Variants in RPP25 observed in about 807,000 individuals in gnomAD.
RPP25 encodes ribonuclease P/MRP subunit p25.
In RPP25, 2 loss-of-function variants were observed where a neutral mutation model predicts 4.4. That is an observed-to-expected ratio of 0.45 (90% CI 0.19 to 1.43). RPP25 has a LOEUF of 1.43. RPP25 is among the 40% of genes most tolerant of loss of function. The pLI is 0.26. For synonymous variants in RPP25, 144 were observed against 136.2 expected (o/e 1.06, Z -0.40); for missense variants, 319 against 293.8 (o/e 1.09, Z -0.63).
Position 74,954,530 on chromosome 15 carries a change from C to T in RPP25, c.*1454G>A, listed in dbSNP as rs1792085863. On this transcript the variant is annotated 3_prime_UTR_variant, in exon 1 of 1. Transcript: ENST00000322177. Reference sequence around the variant, plus strand: ...GCTGCTGAGTTGCATGGGATGAGATCTGCTTCTGAGATCCTGGGGCTGTAT... The same window carrying T: ...GCTGCTGAGTTGCATGGGATGAGATTTGCTTCTGAGATCCTGGGGCTGTAT... The T allele has an allele frequency of 6.6e-6, 1 of 152,212 alleles. No individual in the cohort carries two copies. Among genetic ancestry groups the T allele is most frequent in the Non-Finnish European group, 1.5e-5 (1 of 68,058 alleles). 9.4% of individuals were successfully genotyped at this position (152,212 alleles called of 1,614,324 possible).
In RPP25 at chr15:74,956,624, G is replaced by A. The variant is rs1365225527; in HGVS notation, c.-41C>T. 1 of 1,412,930 alleles carries A rather than the reference G, an allele frequency of 7.1e-7. No individual in the cohort carries two copies. The highest frequency in any genetic ancestry group is 9.1e-7 in the Non-Finnish European group (1 of 1,094,090). 87.5% of individuals were successfully genotyped at this position (1,412,930 alleles called of 1,614,324 possible). A position where few individuals can be genotyped will look rare whatever the true frequency, so the allele number is the denominator to read the frequency against. On this transcript the variant is annotated 5_prime_UTR_variant, in exon 1 of 1. Transcript: ENST00000322177. ...GGACCGCCGGCTTTGCCATGGGGCG[G>A]CCTCAGCCCCGGGGCTGCATGGCCG...
At position 74,955,741 on chromosome 15, in the gene RPP25, T is replaced by C; in HGVS notation, c.*243A>G. ...CCCAGAAAAGGTGAAGTTCCGTGTCTTCACGCAACACGGGCATAAGCAGCA... is the reference window on the plus strand; with the variant it reads ...CCCAGAAAAGGTGAAGTTCCGTGTCCTCACGCAACACGGGCATAAGCAGCA... On this transcript the variant is annotated 3_prime_UTR_variant, in exon 1 of 1. Coordinates refer to ENST00000322177, the MANE Select transcript of RPP25 (RefSeq NM_017793.3). 1.8e-6 allele frequency: 1 copy of C among 562,202 alleles called. No individual in the cohort carries two copies. The allele number at this position is 562,202 out of a possible 1,614,324, so 34.8% of individuals were successfully genotyped here. A position where few individuals can be genotyped will look rare whatever the true frequency, so the allele number is the denominator to read the frequency against.
Position 74,955,866 on chromosome 15 carries a change from G to T in RPP25, c.*118C>A. ...TAAGGTCCATGCTACCTGTCTTGAG[G>T]AGCTGTGTCCAGGTTGTGGGCTCCG... is the stretch of plus-strand genomic sequence containing the variant. On this transcript the variant is annotated 3_prime_UTR_variant, in exon 1 of 1. Transcript: ENST00000322177. 1 of 1,383,274 alleles carries T rather than the reference G, an allele frequency of 7.2e-7. No homozygotes were observed. The highest frequency in any genetic ancestry group is 2.5e-5 in the East Asian group (1 of 40,420). The allele number at this position is 1,383,274 out of a possible 1,614,324, so 85.7% of individuals were successfully genotyped here.
In RPP25 at chr15:74,954,888, C is replaced by T. The variant is rs1440959405; in HGVS notation, c.*1096G>A. The T allele has an allele frequency of 6.6e-6, 1 of 152,354 alleles. No homozygotes were observed. The highest frequency in any genetic ancestry group is 2.1e-4 in the South Asian group (1 of 4,838). The allele number at this position is 152,354 out of a possible 1,614,324, so 9.4% of individuals were successfully genotyped here. A position where few individuals can be genotyped will look rare whatever the true frequency, so the allele number is the denominator to read the frequency against. On this transcript the variant is annotated 3_prime_UTR_variant, in exon 1 of 1. Transcript: ENST00000322177. ...TTGTGCCAGCCTTCTGGGTAAGGTT[C>T]AGTTTATTGTCTGGAGGCTGCAGAT... is the stretch of plus-strand genomic sequence containing the variant.
In RPP25 at chr15:74,956,228, GGC is replaced by G. The variant is rs2065469741; in HGVS notation, c.354_355del (p.Pro119TrpfsTer6). 2.6e-6 allele frequency: 4 copies of G among 1,564,872 alleles called. No homozygotes were observed. The Admixed American group carries it at 5.8e-5, about 23-fold the overall frequency. ...GCTGAGACTAGCGGCCGGCTCGCCA[GGC>G]GTCTGACCCTGCGTGGGCCCAGGCG... On this transcript the variant is annotated frameshift_variant, in exon 1 of 1. Coordinates refer to ENST00000322177, the MANE Select transcript of RPP25 (RefSeq NM_017793.3). LOFTEE classifies it high-confidence loss of function.
Position 74,955,941 on chromosome 15 carries a change from G to A in RPP25, c.*43C>T, listed in dbSNP as rs372778400. 5.7e-4 allele frequency: 921 copies of A among 1,609,178 alleles called. 1 individual carries two copies. The highest frequency in any genetic ancestry group is 9.9e-4 in the Middle Eastern group (6 of 6,078). On this transcript the variant is annotated 3_prime_UTR_variant, in exon 1 of 1. Transcript: ENST00000322177. ...AGGTACATCTGAAGGTGGAGGCGCT[G>A]GCGGAAGATCCTGCCGGACTAGGTG...
Position 74,956,431 on chromosome 15 carries a change from G to C in RPP25, c.153C>G (p.Ala51=). 6.3e-7 allele frequency: 1 copy of C among 1,594,444 alleles called. No homozygotes were observed. The highest frequency in any genetic ancestry group is 1.3e-5 in the African/African-American group (1 of 74,754). ...KEGSKIRNLM[A]FATASMAQPA... ...GCTGCGCCATGCTGGCGGTGGCGAA[G>C]GCCATCAGGTTCCGGATCTTGCTGC... Residue 51 remains alanine, a synonymous_variant, in exon 1 of 1, where the codon GCC becomes GCG. Transcript: ENST00000322177.
chr15:74,956,333 AG>A lies in RPP25; in HGVS notation c.250del (p.Leu84SerfsTer90). On this transcript the variant is annotated frameshift_variant, in exon 1 of 1. Transcript: ENST00000322177. LOFTEE classifies it high-confidence loss of function. ...TTKTVTCAEILKRRLAGLHQV... is the reference protein window; with the variant it reads ...TTKTVTCAEIXKRRLAGLHQV... ...GTGCAGGCCCGCCAGGCGGCGCTTG[AG>A]GATCTCGGCGCACGTGACGGTTTTG... The A allele has an allele frequency of 6.2e-7, 1 of 1,601,698 alleles. No individual in the cohort carries two copies. Among genetic ancestry groups the A allele is most frequent in the Non-Finnish European group, 8.5e-7 (1 of 1,178,374 alleles).
rs1191948564 is a variant in RPP25, at chr15:74,956,464, G to A, written c.120C>T (p.Val40=). ...GGTTCCGGATCTTGCTGCCTTCCTT[G>A]ACCCGCATGTGCACCGCGCCCGGCG... ...DLAPGAVHMR[V]KEGSKIRNLM... Residue 40 remains valine (V), a synonymous_variant, in exon 1 of 1, where the codon GTC becomes GTT. Coordinates refer to ENST00000322177, the MANE Select transcript of RPP25 (RefSeq NM_017793.3). 1.9e-6 allele frequency: 3 copies of A among 1,570,060 alleles called. No individual in the cohort carries two copies. The highest frequency in any genetic ancestry group is 1.7e-4 in the Middle Eastern group (1 of 6,000).
In RPP25 at chr15:74,956,483, C is replaced by G; in HGVS notation, c.101G>C (p.Gly34Ala). ...TTCCTTGACCCGCATGTGCACCGCG[C>G]CCGGCGCCAGGTCTGCGAAGGGGCC... is the stretch of plus-strand genomic sequence containing the variant. ...GSGPFADLAP[G>A]AVHMRVKEGS... is the part of the protein sequence containing the mutation. The change falls in exon 1 of 1, where the codon GGC (glycine) becomes GCC (alanine). Residue 34 changes from glycine to alanine, a missense_variant. Gly to Ala is a moderately conservative substitution (Grantham distance 60). Transcript: ENST00000322177. 1 of 1,551,078 alleles carries G rather than the reference C, an allele frequency of 6.4e-7. No individual in the cohort carries two copies. Among genetic ancestry groups the G allele is most frequent in the Non-Finnish European group, 8.7e-7 (1 of 1,151,388 alleles).
chr15:74,956,639 C>A lies in RPP25; in HGVS notation c.-56G>T. ...CCATGGGGCGGCCTCAGCCCCGGGGCTGCATGGCCGCCGGTCGCGCCTTGC... is the reference window on the plus strand; with the variant it reads ...CCATGGGGCGGCCTCAGCCCCGGGGATGCATGGCCGCCGGTCGCGCCTTGC... On this transcript the variant is annotated 5_prime_UTR_variant, in exon 1 of 1. Coordinates refer to ENST00000322177, the MANE Select transcript of RPP25 (RefSeq NM_017793.3). The A allele has an allele frequency of 7.2e-7, 1 of 1,382,130 alleles. No homozygotes were observed. Among genetic ancestry groups the A allele is most frequent in the Non-Finnish European group, 9.3e-7 (1 of 1,076,212 alleles). 85.6% of individuals were successfully genotyped at this position (1,382,130 alleles called of 1,614,324 possible).
In RPP25 at chr15:74,954,852, A is replaced by C. The variant is rs923897199; in HGVS notation, c.*1132T>G. On this transcript the variant is annotated 3_prime_UTR_variant, in exon 1 of 1. Coordinates refer to ENST00000322177, the MANE Select transcript of RPP25 (RefSeq NM_017793.3). Reference sequence around the variant, plus strand: ...AGTGAAGGGGAGATCCTACCCACAGAGCTGGGGGCTTTGTGCCAGCCTTCT... The same window carrying C: ...AGTGAAGGGGAGATCCTACCCACAGCGCTGGGGGCTTTGTGCCAGCCTTCT... The C allele has an allele frequency of 6.6e-6, 1 of 152,238 alleles. No homozygotes were observed. The highest frequency in any genetic ancestry group is 1.5e-5 in the Non-Finnish European group (1 of 68,072). The allele number at this position is 152,238 out of a possible 1,614,324, so 9.4% of individuals were successfully genotyped here.
chr15:74,956,342 G>T lies in RPP25; in HGVS notation c.242C>A (p.Ala81Asp). The change falls in exon 1 of 1, where the codon GCC (alanine) becomes GAC (aspartate). Residue 81 changes from alanine to aspartate, a missense_variant. Physicochemically the swap from Ala to Asp is moderately radical, Grantham distance 126. Coordinates refer to ENST00000322177, the MANE Select transcript of RPP25 (RefSeq NM_017793.3). The part of the protein sequence containing the change: ...GRATTKTVTC[A>D]EILKRRLAGL... ...CGCCAGGCGGCGCTTGAGGATCTCG[G>T]CGCACGTGACGGTTTTGGTGGTGGC... 6.2e-7 allele frequency: 1 copy of T among 1,602,080 alleles called. No homozygotes were observed.
chr15:74,956,535 C>T lies in RPP25; in HGVS notation c.49G>A (p.Gly17Arg), dbSNP rs1023018572. The change falls in exon 1 of 1, where the codon GGG (glycine) becomes AGG (arginine). Residue 17 changes from glycine (G) to arginine (R), a missense_variant. Gly to Arg is a moderately radical substitution (Grantham distance 125). Coordinates refer to ENST00000322177, the MANE Select transcript of RPP25 (RefSeq NM_017793.3). ...GAGCCCGGGCCGCCTCCCTCGGCCC[C>T]GCACCCCGCTGGCGCCTCTTCGGAG... ...VRSEEAPAGC[G>R]AEGGGPGSGP... The T allele has an allele frequency of 3.3e-6, 5 of 1,520,844 alleles. No individual in the cohort carries two copies. The highest frequency in any genetic ancestry group is 3.5e-6 in the Non-Finnish European group (4 of 1,140,400). 94.2% of individuals were successfully genotyped at this position (1,520,844 alleles called of 1,614,324 possible). A position where few individuals can be genotyped will look rare whatever the true frequency, so the allele number is the denominator to read the frequency against.
Position 74,956,596 on chromosome 15 carries a change from C to T in RPP25, c.-13G>A. ...GGAAGTTCTCCATGCGCCGTCGTCG[C>T]CGGGACCGCCGGCTTTGCCATGGGG... On this transcript the variant is annotated 5_prime_UTR_variant, in exon 1 of 1. Transcript: ENST00000322177. 4 of 1,431,546 alleles carry T rather than the reference C, an allele frequency of 2.8e-6. No individual in the cohort carries two copies. The highest frequency in any genetic ancestry group is 3.6e-6 in the Non-Finnish European group (4 of 1,102,676). 88.7% of individuals were successfully genotyped at this position (1,431,546 alleles called of 1,614,324 possible).
In RPP25 at chr15:74,955,507, A is replaced by C; in HGVS notation, c.*477T>G. 6.1e-6 allele frequency: 1 copy of C among 163,550 alleles called. No individual in the cohort carries two copies. The highest frequency in any genetic ancestry group is 1.3e-5 in the Non-Finnish European group (1 of 74,222). The allele number at this position is 163,550 out of a possible 1,614,324, so 10.1% of individuals were successfully genotyped here. A position where few individuals can be genotyped will look rare whatever the true frequency, so the allele number is the denominator to read the frequency against. On this transcript the variant is annotated 3_prime_UTR_variant, in exon 1 of 1. Coordinates refer to ENST00000322177, the MANE Select transcript of RPP25 (RefSeq NM_017793.3). Reference sequence around the variant, plus strand: ...AAACTGTCCCAGGGCGGGGAGCGGAATAGGGCCCCCACATCTCAGACTCTC... The same window carrying C: ...AAACTGTCCCAGGGCGGGGAGCGGACTAGGGCCCCCACATCTCAGACTCTC...
Position 74,956,677 on chromosome 15 carries a change from G to C in RPP25, c.-94C>G. 1 of 1,324,460 alleles carries C rather than the reference G, an allele frequency of 7.6e-7. No homozygotes were observed. Among genetic ancestry groups the C allele is most frequent in the Non-Finnish European group, 9.7e-7 (1 of 1,035,270 alleles). The allele number at this position is 1,324,460 out of a possible 1,614,324, so 82.0% of individuals were successfully genotyped here. ...GGTCGCGCCTTGCAAGGGCCAGCAG[G>C]GGTAAGGGCGCCGGAGCAGCGCAGA... is the stretch of plus-strand genomic sequence containing the variant. On this transcript the variant is annotated 5_prime_UTR_variant, in exon 1 of 1. Transcript: ENST00000322177.
chr15:74,955,979 G>A lies in RPP25; in HGVS notation c.*5C>T, dbSNP rs202065793. 1.3e-5 allele frequency: 21 copies of A among 1,612,678 alleles called. No individual in the cohort carries two copies. Among genetic ancestry groups the A allele is most frequent in the Non-Finnish European group, 1.8e-5 (21 of 1,179,870 alleles). On this transcript the variant is annotated 3_prime_UTR_variant, in exon 1 of 1. Coordinates refer to ENST00000322177, the MANE Select transcript of RPP25 (RefSeq NM_017793.3). The stretch of plus-strand genomic sequence containing the variant: ...GCCGGACTAGGTGGCCCACAGTCCG[G>A]AGTTTCAGGCCGTCTGATCCTCGTC...
At position 74,956,091 on chromosome 15, in the gene RPP25, C is replaced by A; in HGVS notation, c.493G>T (p.Ala165Ser). ...AGGCTCCTCTTGGACGCTGGCGCGG[C>A]TGGCGGGGACGAGGGACCAGGATGG... ...NPHPGPSSPPAAPASKRSLGE... is the reference protein window; with the variant it reads ...NPHPGPSSPPSAPASKRSLGE... The change falls in exon 1 of 1, where the codon GCC becomes TCC. Residue 165 changes from alanine (A) to serine (S), a missense_variant. Physicochemically the swap from Ala to Ser is moderately conservative, Grantham distance 99. Transcript: ENST00000322177. 1 of 1,609,680 alleles carries A rather than the reference C, an allele frequency of 6.2e-7. No individual in the cohort carries two copies. The highest frequency in any genetic ancestry group is 1.1e-5 in the South Asian group (1 of 90,486).
Sources: gnomAD v4.1 joint callset for allele counts on GRCh38, gnomAD v4.1.1 for gene constraint, MANE v1.5 for transcripts, NCBI Gene and HGNC (gene_info 2026-07-23, HGNC 2026-07-21) for gene names.